Variants in STXBP6 observed in about 807,000 individuals in gnomAD.
STXBP6 encodes syntaxin binding protein 6, also known as syntaxin-binding protein 6.
STXBP6 carries 21 observed loss-of-function variants against 26.9 expected under a neutral mutation model. That is an observed-to-expected ratio of 0.78 (90% confidence interval 0.55 to 1.12). The LOEUF (loss-of-function observed/expected upper bound fraction) is 1.12. Among genes scored for constraint, STXBP6 ranks in the 50% most tolerant of loss-of-function variants. The probability of loss-of-function intolerance (pLI) is 0.00; values close to 1 mark genes in which losing one functional copy is unlikely to be tolerated. For missense variants in STXBP6, 232 were observed against 257.9 expected (o/e 0.90, Z 0.69); for synonymous variants, 97 against 92.6 (o/e 1.05, Z -0.27).
chr14:24,960,655 G>T (rs553046358), intron 2 of STXBP6, among the ~76,000 whole-genome samples: 65 of 152,276 alleles, frequency 4.3e-4, no homozygotes, highest in African/African-American at 1.5e-3. Flanking sequence ...AGTCTAGGAA[G>T]AACTGACAGA....
intron 1 of STXBP6, among the ~76,000 whole-genome samples, chr14:24,983,380 A>C (rs1473865024): frequency 6.6e-6 from 1 of 152,202 alleles, no homozygotes; most frequent in African/African-American, 2.4e-5. Context: ...GAAATAGCCA[A>C]ATCTATTCCA....
At chr14:24,899,801 CA>C (rs56666133) in intron 2 of STXBP6, among the ~76,000 whole-genome samples, 12,516 of 108,626 alleles carry the variant, frequency 0.12, 770 homozygotes, top group African/African-American at 0.21. Flanking sequence ...AAAAAAAAAG[CA>C]AAAAAAAAAA....
chr14:24,912,777 G>A (rs1441324767), intron 2 of STXBP6, among the ~76,000 whole-genome samples: 1 of 152,084 alleles, frequency 6.6e-6, no homozygotes, highest in Non-Finnish European at 1.5e-5. Context: ...TATAGAACAT[G>A]GACAGAGTAA....
At chr14:24,874,164 C>T (rs1339988277) in intron 2 of STXBP6, among the ~76,000 whole-genome samples, 2 of 151,986 alleles carry the variant, frequency 1.3e-5, no homozygotes, top group African/African-American at 4.8e-5. Flanking sequence ...TTGCTCACTC[C>T]CTCTCTCTTC....
rs536889310 is a variant in STXBP6, at chr14:24,896,849, G to A, written c.155-39692C>T. 2.6e-5 allele frequency among the ~76,000 whole-genome samples: 4 copies of A among 152,290 alleles called. No homozygotes were observed. The South Asian group carries it at 8.3e-4, about 32-fold the overall frequency. On this transcript the variant is annotated intron_variant, in intron 2 of 5. Coordinates refer to ENST00000323944, the MANE Select transcript of STXBP6 (RefSeq NM_001394410.1). Reference sequence around the variant, plus strand: ...AGATGAACAAAAGCATCCGGAGTAAGCATGTCTGGGGTATGTCTGAGCTGG... The same window carrying A: ...AGATGAACAAAAGCATCCGGAGTAAACATGTCTGGGGTATGTCTGAGCTGG...
chr14:24,948,597 C>T (rs139049591), intron 2 of STXBP6, among the ~76,000 whole-genome samples: 3 of 152,260 alleles, frequency 2.0e-5, no homozygotes, highest in African/African-American at 7.2e-5. Context: ...GTCCTCTGAC[C>T]ATGAGCACAT....
intron 2 of STXBP6, among the ~76,000 whole-genome samples, chr14:24,869,058 T>C (rs547597978): frequency 6.6e-6 from 1 of 152,362 alleles, no homozygotes; most frequent in African/African-American, 2.4e-5. Context: ...GTCTTTGCAT[T>C]CTTCAGGTAC....
At chr14:24,953,770 C>T (rs2073249616) in intron 2 of STXBP6, among the ~76,000 whole-genome samples, 1 of 152,168 alleles carries the variant, frequency 6.6e-6, no homozygotes, top group African/African-American at 2.4e-5. Flanking sequence ...CTATCTCAGG[C>T]TAAATGGTGG....
chr14:24,950,429 T>C (rs2073125097), intron 2 of STXBP6, among the ~76,000 whole-genome samples: 1 of 152,206 alleles, frequency 6.6e-6, no homozygotes, highest in Admixed American at 6.5e-5. Flanking sequence ...TCAAAAAGTT[T>C]AAATGTCAAT....
intron 1 of STXBP6, among the ~76,000 whole-genome samples, chr14:25,010,103 G>C (rs545354238): frequency 1.3e-5 from 2 of 152,298 alleles, no homozygotes; most frequent in Admixed American, 6.5e-5. Context: ...AGAGATTCCA[G>C]CTCAACATGC....
chr14:24,831,736 C>T (rs1182768086), intron 4 of STXBP6, among the ~76,000 whole-genome samples: 4 of 152,106 alleles, frequency 2.6e-5, no homozygotes, highest in Non-Finnish European at 5.9e-5. Flanking sequence ...AGAAGTTTTA[C>T]CTCAAATTCA....
chr14:24,834,650 A>G (rs1468251340), intron 4 of STXBP6, among the ~76,000 whole-genome samples: 1 of 152,192 alleles, frequency 6.6e-6, no homozygotes, highest in East Asian at 1.9e-4. Context: ...GGTGGGAATA[A>G]TGAGAGGAAT....
At chr14:24,845,169 G>T (rs894540776) in intron 4 of STXBP6, among the ~76,000 whole-genome samples, 1 of 151,982 alleles carries the variant, frequency 6.6e-6, no homozygotes, top group Non-Finnish European at 1.5e-5. Flanking sequence ...GTGCCACCAG[G>T]CCTGGCTAAT....
intron 2 of STXBP6, among the ~76,000 whole-genome samples, chr14:24,925,298 C>G (rs1285909338): frequency 6.6e-6 from 1 of 152,216 alleles, no homozygotes; most frequent in Non-Finnish European, 1.5e-5. Context: ...GTTTTAACTT[C>G]ACATGAAGCA....
chr14:24,935,728 A>G (rs926127983), intron 2 of STXBP6, among the ~76,000 whole-genome samples: 3 of 152,222 alleles, frequency 2.0e-5, no homozygotes, highest in African/African-American at 7.2e-5. Context: ...ACTAAAATAC[A>G]ATTATACTAG....
At chr14:25,030,744 A>G (rs1253532357) in intron 1 of STXBP6, among the ~76,000 whole-genome samples, 1 of 152,068 alleles carries the variant, frequency 6.6e-6, no homozygotes, top group Non-Finnish European at 1.5e-5. Flanking sequence ...TGTAATCCTC[A>G]TGCTTTCTGA....
chr14:24,861,991 G>C (rs559672376), intron 2 of STXBP6, among the ~76,000 whole-genome samples: 1 of 152,040 alleles, frequency 6.6e-6, no homozygotes, highest in African/African-American at 2.4e-5. Flanking sequence ...TTAAATCTGC[G>C]CGTTTTTTGT....
At chr14:24,893,226 AAAC>A (rs1487842062) in intron 2 of STXBP6, among the ~76,000 whole-genome samples, 9 of 152,222 alleles carry the variant, frequency 5.9e-5, no homozygotes, top group African/African-American at 2.2e-4. Flanking sequence ...CTAATGACAA[AAAC>A]AACAATAGCT....
chr14:25,042,768 C>T (rs746104935), intron 1 of STXBP6, among the ~76,000 whole-genome samples: 5 of 152,208 alleles, frequency 3.3e-5, no homozygotes, highest in African/African-American at 7.2e-5. Flanking sequence ...TGAATCAGAA[C>T]CAGCATTCTA....
Sources: gnomAD v4.1 joint callset for allele counts (sites outside exome capture counted in the v4.1 genomes callset) on GRCh38, gnomAD v4.1.1 for gene constraint, MANE v1.5 for transcripts, NCBI Gene and HGNC (gene_info 2026-07-23, HGNC 2026-07-21) for gene names.